EYS: variants seen among roughly 807,000 people sequenced by gnomAD.
EYS encodes EGF-like photoreceptor maintenance factor, also known as protein eyes shut homolog.
Under a neutral mutation model 282.1 loss-of-function variants are expected in EYS, and 250 were observed. That is an observed-to-expected ratio of 0.89 (90% CI 0.80 to 0.98). The LOEUF (loss-of-function observed/expected upper bound fraction) is 0.98, where lower values mean the gene tolerates loss of function less well. Ranked by LOEUF, EYS falls within the 50% of genes least tolerant of loss-of-function variation. The pLI is 0.00. For synonymous variants in EYS, 1,355 were observed against 1,282.9 expected (o/e 1.06, Z -1.20); for missense variants, 4,016 against 3,709.0 (o/e 1.08, Z -2.15).
intron 13 of EYS, among the ~76,000 whole-genome samples, chr6:65,030,759 G>A (rs561036771): frequency 1.5e-4 from 23 of 152,236 alleles, no homozygotes; most frequent in East Asian, 9.7e-4. Flanking sequence ...TCAAGTCTGC[G>A]TAACAACAAA....
At chr6:65,485,562 T>C (rs1482353113) in intron 5 of EYS, among the ~76,000 whole-genome samples, 2 of 152,244 alleles carry the variant, frequency 1.3e-5, no homozygotes, top group African/African-American at 2.4e-5. Context: ...TCCAGCACTT[T>C]GGGAGGCCAA....
Position 64,443,948 on chromosome 6 carries a change from G to T in EYS, c.5645-4596C>A, listed in dbSNP as rs199783891. On this transcript the variant is annotated intron_variant, in intron 26 of 42. Coordinates refer to ENST00000503581, the MANE Select transcript of EYS (RefSeq NM_001142800.2). The stretch of plus-strand genomic sequence containing the variant: ...GGATGCTCAAGACATTTTTCTTTTT[G>T]ACTTTCTGGAGGGCCAAAGAAGGAT... 2.6e-5 allele frequency among the ~76,000 whole-genome samples: 4 copies of T among 152,124 alleles called. No homozygotes were observed. In the East Asian group the frequency reaches 7.7e-4, roughly 29 times the overall value.
In EYS at chr6:64,108,507, C is replaced by CTTTTTT. The variant is rs530004392; in HGVS notation, c.6425-26511_6425-26506dup. Among the ~76,000 whole-genome samples, 683 of 116,798 alleles carry CTTTTTT rather than the reference C, an allele frequency of 5.8e-3. 9 individuals carry two copies. Among genetic ancestry groups the CTTTTTT allele is most frequent in the African/African-American group, 0.018 (564 of 30,880 alleles). The allele number at this position is 116,798 out of a possible 152,430, so 76.6% of individuals were successfully genotyped here. A position where few individuals can be genotyped will look rare whatever the true frequency, so the allele number is the denominator to read the frequency against. ...ACTGGAAATCAGAAGTCCACTACTG[C>CTTTTTT]TTTTTTTTTTTTTTTTTTTTGAGAA... On this transcript the variant is annotated intron_variant, in intron 31 of 42. Transcript: ENST00000503581.
chr6:64,949,339 A>C (rs1265066759), intron 14 of EYS, among the ~76,000 whole-genome samples: 1 of 151,942 alleles, frequency 6.6e-6, no homozygotes, highest in African/African-American at 2.4e-5. Flanking sequence ...TCCAAGTTCA[A>C]TGATTGTAGC....
intron 13 of EYS, among the ~76,000 whole-genome samples, chr6:65,012,276 G>A (rs908760089): frequency 1.3e-5 from 2 of 152,134 alleles, no homozygotes; most frequent in Non-Finnish European, 2.9e-5. Context: ...AAAAAGCACA[G>A]TATAAGCAGC....
At chr6:64,232,642 C>A (rs62413880) in intron 30 of EYS, among the ~76,000 whole-genome samples, 3 of 151,962 alleles carry the variant, frequency 2.0e-5, no homozygotes, top group African/African-American at 7.3e-5. Context: ...CCACCAGCCT[C>A]GGCCCCCCCA....
chr6:64,295,504 A>AAGAAG (rs1442538275), intron 30 of EYS, among the ~76,000 whole-genome samples: 1 of 44,410 alleles, frequency 2.3e-5, no homozygotes, highest in African/African-American at 2.0e-4. Context: ...AAGAAAGAAG[A>AAGAAG]AAGAAGAAAG....
At chr6:65,416,055 T>A (rs190084440) in intron 5 of EYS, among the ~76,000 whole-genome samples, 1 of 151,886 alleles carries the variant, frequency 6.6e-6, no homozygotes, top group African/African-American at 2.4e-5. Context: ...ACACACCATA[T>A]AATTTAATTG....
chr6:63,778,145 CCTT>C lies in EYS; in HGVS notation c.7756_7758del (p.Lys2586del). The C allele has an allele frequency of 1.3e-6, 2 of 1,551,904 alleles. No homozygotes were observed. Among genetic ancestry groups the C allele is most frequent in the Non-Finnish European group, 1.7e-6 (2 of 1,147,002 alleles). ...TTTCCCAGTCCTCTGAAATGGCCAT[CCTT>C]CTCAGTGCGAACTTGAAGAGTGAAA... is the stretch of plus-strand genomic sequence containing the variant. On this transcript the variant is annotated inframe_deletion, in exon 40 of 43. Coordinates refer to ENST00000503581, the MANE Select transcript of EYS (RefSeq NM_001142800.2).
chr6:64,442,017 G>A (rs1041201443), intron 26 of EYS, among the ~76,000 whole-genome samples: 9 of 152,180 alleles, frequency 5.9e-5, no homozygotes, highest in Non-Finnish European at 1.2e-4. Context: ...GCAGAGGTTG[G>A]AACAGTTTGG....
chr6:64,295,535 AAAG>A (rs1275647470), intron 30 of EYS, among the ~76,000 whole-genome samples: 1 of 28,400 alleles, frequency 3.5e-5, no homozygotes, highest in African/African-American at 2.2e-4. Flanking sequence ...AAAGAAGAAG[AAAG>A]AAGAAGAAAG....
At chr6:65,372,598 T>C (rs1765201904) in intron 8 of EYS, among the ~76,000 whole-genome samples, 1 of 152,068 alleles carries the variant, frequency 6.6e-6, no homozygotes, top group Non-Finnish European at 1.5e-5. Flanking sequence ...TTTATACATA[T>C]GTGGTGGTGA....
intron 12 of EYS, among the ~76,000 whole-genome samples, chr6:65,085,947 A>AAATAC (rs139575734): frequency 9.2e-5 from 3 of 32,730 alleles, no homozygotes; most frequent in Admixed American, 6.5e-4. Context: ...TCCCAAAATT[A>AAATAC]ATCTCTCCCT....
At chr6:63,848,800 A>G (rs957303097) in intron 36 of EYS, among the ~76,000 whole-genome samples, 7 of 151,894 alleles carry the variant, frequency 4.6e-5, no homozygotes, top group Admixed American at 4.6e-4. Flanking sequence ...TAGTTTTCAT[A>G]CCCCAGTGGC....
At chr6:64,728,162 T>G (rs1198907748) in intron 22 of EYS, among the ~76,000 whole-genome samples, 1 of 151,972 alleles carries the variant, frequency 6.6e-6, no homozygotes, top group Non-Finnish European at 1.5e-5. Flanking sequence ...GGAGCAAAAC[T>G]TTGTGCGGAC....
At chr6:63,891,539 C>T (rs1027972892) in intron 35 of EYS, among the ~76,000 whole-genome samples, 6 of 152,104 alleles carry the variant, frequency 3.9e-5, no homozygotes, top group African/African-American at 1.4e-4. Flanking sequence ...TTCAACACCC[C>T]TTCATGCTAA....
rs569671462 is a variant in EYS, at chr6:64,605,199, G to A, written c.3685-11890C>T. Among the ~76,000 whole-genome samples the A allele has an allele frequency of 3.5e-3, 526 of 149,188 alleles. 1 individual carries two copies. Among genetic ancestry groups the A allele is most frequent in the Non-Finnish European group, 4.9e-3 (323 of 66,302 alleles). ...TGGGATTTTCTCGACTTTTCACAAT[G>A]ATTAAGTTTAATTACATGTCAATTA... On this transcript the variant is annotated intron_variant, in intron 24 of 42. Transcript: ENST00000503581.
intron 5 of EYS, among the ~76,000 whole-genome samples, chr6:65,487,356 C>T (rs9732622): frequency 1.3e-5 from 2 of 152,098 alleles, no homozygotes; most frequent in South Asian, 2.1e-4. Context: ...CCATCGATAC[C>T]TAGTTTATTG....
At chr6:64,826,322 C>A (rs1029377973) in intron 19 of EYS, among the ~76,000 whole-genome samples, 5 of 151,896 alleles carry the variant, frequency 3.3e-5, no homozygotes, top group African/African-American at 1.2e-4. Context: ...CACCTACCCT[C>A]CTGCCTGCTT....
Sources: gnomAD v4.1 joint callset for allele counts (sites outside exome capture counted in the v4.1 genomes callset) on GRCh38, gnomAD v4.1.1 for gene constraint, MANE v1.5 for transcripts, NCBI Gene and HGNC (gene_info 2026-07-23, HGNC 2026-07-21) for gene names.